MYO5A: variants seen among roughly 807,000 people sequenced by gnomAD.
The protein encoded by MYO5A is myosin VA.
Under a neutral mutation model 249.7 loss-of-function variants are expected in MYO5A, and 98 were observed. The ratio of observed to expected loss-of-function variants is 0.39; its 90% confidence interval spans 0.33 to 0.46. MYO5A has a LOEUF of 0.46. MYO5A is among the 20% of genes least tolerant of loss of function. MYO5A has a pLI of 0.98. For missense variants in MYO5A, 1,696 were observed against 2,308.8 expected, an observed-to-expected ratio of 0.73 and a Z score of 5.44; for synonymous variants, 778 against 810.6, an observed-to-expected ratio of 0.96 and a Z score of 0.68.
Position 52,405,397 on chromosome 15 carries a change from A to T in MYO5A, c.947-4T>A, listed in dbSNP as rs1295406353. 6.3e-7 allele frequency: 1 copy of T among 1,587,868 alleles called. No homozygotes were observed. Among genetic ancestry groups the T allele is most frequent in the Admixed American group, 1.7e-5 (1 of 59,988 alleles). ...ATTTGATGAGATTCACTAATTCCTGAAACAAGAGAGTGAATGAACAAGTGA... is the reference window on the plus strand; with the variant it reads ...ATTTGATGAGATTCACTAATTCCTGTAACAAGAGAGTGAATGAACAAGTGA... On this transcript the variant is annotated splice_polypyrimidine_tract_variant and splice_region_variant and intron_variant, in intron 8 of 41. Transcript: ENST00000399233.
chr15:52,339,620 T>C (rs752865), intron 32 of MYO5A, among the ~76,000 whole-genome samples: 88,673 of 151,670 alleles, frequency 0.58, 26,989 homozygotes, highest in Non-Finnish European at 0.64. Flanking sequence ...ATTTCCTCAC[T>C]TGTTATACAA....
chr15:52,456,897 T>C (rs1360815586), intron 1 of MYO5A, among the ~76,000 whole-genome samples: 6 of 152,064 alleles, frequency 3.9e-5, no homozygotes, highest in Non-Finnish European at 7.4e-5. Context: ...AGGACATCAG[T>C]CTAGATAAAG....
At chr15:52,523,235 C>T (rs956582889) in intron 1 of MYO5A, among the ~76,000 whole-genome samples, 1 of 148,274 alleles carries the variant, frequency 6.7e-6, no homozygotes, top group African/African-American at 2.5e-5. Context: ...CTGCCTCAGT[C>T]CACCAGACCT....
rs764883819 is a variant in MYO5A, at chr15:52,376,399, G to A, written c.2368C>T (p.Arg790Trp). Residue 790 changes from arginine (R) to tryptophan (W), a missense_variant, in exon 19 of 42, where the codon CGG (arginine) becomes TGG (tryptophan). By Grantham distance (101) the Arg-to-Trp change is moderately radical. Coordinates refer to ENST00000399233, the MANE Select transcript of MYO5A (RefSeq NM_001382347.1). ...CTCTGCATGGTGATGGCTGCCTTCC[G>A]CATGCGTAGGTACTTCTTTCTCAGC... ...WLLRKKYLRM[R>W]KAAITMQRYV... 1.6e-5 allele frequency: 26 copies of A among 1,613,950 alleles called. No individual in the cohort carries two copies. Among genetic ancestry groups the A allele is most frequent in the Admixed American group, 3.3e-5 (2 of 59,996 alleles).
chr15:52,314,505 T>C (rs2037897234), intron 40 of MYO5A, among the ~76,000 whole-genome samples: 1 of 152,246 alleles, frequency 6.6e-6, no homozygotes, highest in Admixed American at 6.5e-5. Context: ...CCTTCCAGTC[T>C]CCCAAAGTGG....
chr15:52,330,638 A>T (rs780063694), intron 34 of MYO5A, 139 bp from the exon 35 acceptor site: 12 of 1,014,676 alleles, frequency 1.2e-5, no homozygotes, highest in Non-Finnish European at 1.6e-5. Flanking sequence ...TTCTCTTAAA[A>T]TAATTTTTTT....
At chr15:52,476,473 G>A (rs1355345859) in intron 1 of MYO5A, among the ~76,000 whole-genome samples, 1 of 152,172 alleles carries the variant, frequency 6.6e-6, no homozygotes, top group African/African-American at 2.4e-5. Context: ...AGTTGATGCA[G>A]TTTCTTCCTA....
chr15:52,400,433 G>T lies in MYO5A; in HGVS notation c.1054-2967C>A. 1.3e-5 allele frequency among the ~76,000 whole-genome samples: 2 copies of T among 152,114 alleles called. 1 individual carries two copies. The highest frequency in any genetic ancestry group is 2.9e-5 in the Non-Finnish European group (2 of 68,006). ...TAGTACAAAAAATTCCCTTCACTCA[G>T]ATTCCCTAAATATTAACATTTTACC... is the stretch of plus-strand genomic sequence containing the variant. On this transcript the variant is annotated intron_variant, in intron 9 of 41. Transcript: ENST00000399233.
chr15:52,376,321 C>A, intron 19 of MYO5A, 26 bp downstream of exon 19: 1 of 1,609,252 alleles, frequency 6.2e-7, no homozygotes, highest in Non-Finnish European at 8.5e-7. Flanking sequence ...TAGATGGGCA[C>A]TCTACTCTGT....
Position 52,370,354 on chromosome 15 carries a change from T to C in MYO5A, c.2881A>G (p.Thr961Ala), listed in dbSNP as rs767505457. The change falls in exon 22 of 42, where the codon ACT becomes GCT. Residue 961 changes from threonine (T) to alanine (A), a missense_variant. Coordinates refer to ENST00000399233, the MANE Select transcript of MYO5A (RefSeq NM_001382347.1). ...TNLEGIYNSE[T>A]EKLRSDLERL... The stretch of plus-strand genomic sequence containing the variant: ...TCTAAGTCACTTCGTAGTTTCTCAG[T>C]CTCAGAGTTGTATATTCCTTCCAGA... 2 of 1,614,130 alleles carry C rather than the reference T, an allele frequency of 1.2e-6. No individual in the cohort carries two copies. The highest frequency in any genetic ancestry group is 1.7e-6 in the Non-Finnish European group (2 of 1,179,964).
chr15:52,403,796 C>T (rs892280048), intron 9 of MYO5A, among the ~76,000 whole-genome samples: 3 of 152,070 alleles, frequency 2.0e-5, no homozygotes, highest in African/African-American at 4.8e-5. Flanking sequence ...TTTACAAAAC[C>T]ACCATTAGGA....
intron 15 of MYO5A, among the ~76,000 whole-genome samples, chr15:52,383,487 C>A (rs1423370551): frequency 6.6e-6 from 1 of 152,120 alleles, no homozygotes; most frequent in Non-Finnish European, 1.5e-5. Context: ...ATGTAACTAA[C>A]AATATAACCT....
chr15:52,474,727 C>A (rs1346346325), intron 1 of MYO5A, among the ~76,000 whole-genome samples: 1 of 152,162 alleles, frequency 6.6e-6, no homozygotes, highest in Non-Finnish European at 1.5e-5. Flanking sequence ...CCTTGCATCC[C>A]AGGGATGAGG....
chr15:52,378,510 T>A (rs1433375476), intron 18 of MYO5A, among the ~76,000 whole-genome samples: 1 of 3,872 alleles, frequency 2.6e-4, no homozygotes, highest in Non-Finnish European at 0.01. Flanking sequence ...AGAGCAAGAC[T>A]GTCTCAAAAA....
chr15:52,354,068 C>T, intron 25 of MYO5A, 54 bp from the exon 26 acceptor site: 1 of 1,604,890 alleles, frequency 6.2e-7, no homozygotes. Context: ...ACATAAAAGC[C>T]AATGAGAAAA....
intron 31 of MYO5A, among the ~76,000 whole-genome samples, chr15:52,342,286 G>C (rs915808273): frequency 2.0e-5 from 3 of 152,146 alleles, no homozygotes; most frequent in Non-Finnish European, 4.4e-5. Context: ...TTGAGCCCAG[G>C]AGGTCAAGGC....
intron 4 of MYO5A, among the ~76,000 whole-genome samples, chr15:52,419,514 T>C (rs1046460012): frequency 6.6e-6 from 1 of 152,222 alleles, no homozygotes. Flanking sequence ...AATAAGAAAA[T>C]GCTTAAACCC....
At chr15:52,423,423 G>C (rs71474804) in intron 4 of MYO5A, among the ~76,000 whole-genome samples, 62,921 of 151,752 alleles carry the variant, frequency 0.41, 15,353 homozygotes, top group Non-Finnish European at 0.53. Flanking sequence ...GTGGTGGCAG[G>C]TGCCTGTAGT....
intron 20 of MYO5A, among the ~76,000 whole-genome samples, chr15:52,373,061 T>C (rs767396678): frequency 6.6e-6 from 1 of 152,044 alleles, no homozygotes; most frequent in Admixed American, 6.6e-5. Flanking sequence ...GTAGCAAGGA[T>C]CCACTTTTGG....
Sources: allele counts gnomAD v4.1 joint callset (sites outside exome capture counted in the v4.1 genomes callset), GRCh38; gene constraint gnomAD v4.1.1; transcripts MANE v1.5; gene names NCBI Gene and HGNC (gene_info 2026-07-23, HGNC 2026-07-21).